The following HMCN1 variants were observed in gnomAD, a reference collection of about 807,000 sequenced individuals.
The protein encoded by HMCN1 is hemicentin-1.
In HMCN1, 321 loss-of-function variants were observed where a neutral mutation model predicts 625.9. The observed-to-expected ratio is 0.51, with a 90% CI of 0.47 to 0.56. The LOEUF is 0.56. Among genes scored for constraint, HMCN1 ranks in the 20% least tolerant of loss-of-function variants. The probability of loss-of-function intolerance (pLI) is 0.00; values close to 1 mark genes in which losing one functional copy is unlikely to be tolerated. For missense variants in HMCN1, 6,588 were observed against 6,887.3 expected (o/e 0.96, Z 1.54); for synonymous variants, 2,425 against 2,417.6 (o/e 1.00, Z -0.09).
intron 11 of HMCN1, among the ~76,000 whole-genome samples, chr1:185,958,189 A>C (rs1245378585): frequency 1.3e-5 from 2 of 152,078 alleles, no homozygotes; most frequent in Non-Finnish European, 2.9e-5. Context: ...CCTTTGGCTC[A>C]CTGCAACCTC....
intron 105 of HMCN1, among the ~76,000 whole-genome samples, chr1:186,186,991 G>A (rs1181493020): frequency 1.2e-5 from 1 of 80,902 alleles, no homozygotes; most frequent in South Asian, 4.6e-4. Context: ...CTCTGTCTCT[G>A]TCTCACACAC....
rs747107674 is a variant in HMCN1, at chr1:186,019,492, G to T, written c.5471-49G>T. 4.3e-6 allele frequency: 6 copies of T among 1,403,900 alleles called. No homozygotes were observed. The South Asian group carries it at 5.8e-5, about 14-fold the overall frequency. The allele number at this position is 1,403,900 out of a possible 1,614,324, so 87.0% of individuals were successfully genotyped here. On this transcript the variant is annotated intron_variant, in intron 34 of 106. Coordinates refer to ENST00000271588, the MANE Select transcript of HMCN1 (RefSeq NM_031935.3). ...TTCTTGCATACATATTTTTAAGTTC[G>T]ACCTCACTGATTATGGTTTCATTCC...
intron 1 of HMCN1, among the ~76,000 whole-genome samples, chr1:185,836,136 A>G (rs1661161641): frequency 6.6e-6 from 1 of 152,192 alleles, no homozygotes; most frequent in South Asian, 2.1e-4. Context: ...ATCTTGCCTA[A>G]TGCTCAGAAA....
intron 1 of HMCN1, among the ~76,000 whole-genome samples, chr1:185,823,954 C>A (rs910976692): frequency 2.0e-5 from 3 of 152,278 alleles, no homozygotes; most frequent in Admixed American, 6.5e-5. Flanking sequence ...TTGGAACTAA[C>A]AGCAAGTAGA....
chr1:185,854,855 C>G (rs1243705399), intron 2 of HMCN1, among the ~76,000 whole-genome samples: 1 of 152,044 alleles, frequency 6.6e-6, no homozygotes, highest in East Asian at 1.9e-4. Flanking sequence ...ATTACACAAG[C>G]AGTATAAATA....
chr1:185,877,432 T>A (rs1664025327), intron 4 of HMCN1, among the ~76,000 whole-genome samples: 1 of 149,678 alleles, frequency 6.7e-6, no homozygotes, highest in Non-Finnish European at 1.5e-5. Context: ...TGTTTAGGAT[T>A]ACTTTGGCTA....
intron 1 of HMCN1, among the ~76,000 whole-genome samples, chr1:185,840,516 G>A (rs955349196): frequency 3.3e-5 from 5 of 151,998 alleles, no homozygotes; most frequent in Admixed American, 1.3e-4. Flanking sequence ...TTTGGTGTTC[G>A]CTTCATATCC....
intron 35 of HMCN1, 101 bp downstream of exon 35, chr1:186,019,796 G>T: frequency 1.0e-6 from 1 of 953,588 alleles, no homozygotes; most frequent in South Asian, 1.9e-5. Context: ...CTGTTGGACA[G>T]ATTTTGCAGA....
At chr1:185,805,968 T>C (rs1320195531) in intron 1 of HMCN1, among the ~76,000 whole-genome samples, 1 of 152,120 alleles carries the variant, frequency 6.6e-6, no homozygotes, top group East Asian at 1.9e-4. Flanking sequence ...TCCTATCATT[T>C]TTATTCCTAG....
intron 6 of HMCN1, among the ~76,000 whole-genome samples, chr1:185,912,261 G>A (rs1403611762): frequency 6.6e-6 from 1 of 152,146 alleles, no homozygotes; most frequent in Admixed American, 6.6e-5. Flanking sequence ...ACAGAATTGG[G>A]CTGAGAATTA....
At chr1:186,070,813 T>C in intron 52 of HMCN1, 56 bp downstream of exon 52, 6 of 1,538,818 alleles carry the variant, frequency 3.9e-6, no homozygotes, top group South Asian at 3.4e-5. Context: ...AAATGGTCAA[T>C]TGAAAAGAAA....
intron 1 of HMCN1, among the ~76,000 whole-genome samples, chr1:185,761,710 A>T (rs1655517009): frequency 6.6e-6 from 1 of 152,178 alleles, no homozygotes; most frequent in African/African-American, 2.4e-5. Context: ...TGTATGAAAC[A>T]TGGCTAAACA....
chr1:185,960,251 C>A (rs1649920500), intron 11 of HMCN1, among the ~76,000 whole-genome samples: 1 of 151,630 alleles, frequency 6.6e-6, no homozygotes, highest in African/African-American at 2.4e-5. Context: ...GCCTCAGCCT[C>A]CCAAGTAGCT....
intron 98 of HMCN1, among the ~76,000 whole-genome samples, chr1:186,165,721 T>C (rs1013678415): frequency 6.6e-6 from 1 of 152,244 alleles, no homozygotes; most frequent in South Asian, 2.1e-4. Context: ...CAATGTAATA[T>C]AGTCTTGTGA....
chr1:185,852,209 GATA>G (rs562653603), intron 2 of HMCN1, among the ~76,000 whole-genome samples: 97 of 152,012 alleles, frequency 6.4e-4, no homozygotes, highest in African/African-American at 2.3e-3. Flanking sequence ...AGGAGAACAA[GATA>G]ATGATGATTT....
intron 90 of HMCN1, 79 bp from the exon 91 acceptor site, chr1:186,144,454 C>A: frequency 6.2e-7 from 1 of 1,609,360 alleles, no homozygotes; most frequent in Non-Finnish European, 8.5e-7. Context: ...AAGAACATCT[C>A]TCAAACTAAC....
chr1:185,979,007 C>T (rs1436211687), intron 16 of HMCN1, among the ~76,000 whole-genome samples: 3 of 152,156 alleles, frequency 2.0e-5, no homozygotes, highest in African/African-American at 7.2e-5. Flanking sequence ...ATTAAATATA[C>T]ATTGGCCACT....
intron 8 of HMCN1, among the ~76,000 whole-genome samples, chr1:185,924,269 T>TCA (rs1408046520): frequency 2.1e-5 from 3 of 140,668 alleles, no homozygotes; most frequent in Non-Finnish European, 4.6e-5. Context: ...CTCGCTCTGT[T>TCA]GCCCAGGCTG....
At chr1:186,133,092 T>C (rs879658850) in intron 86 of HMCN1, among the ~76,000 whole-genome samples, 1 of 152,200 alleles carries the variant, frequency 6.6e-6, no homozygotes, top group Admixed American at 6.6e-5. Context: ...TCAACCATTG[T>C]GGAAGTCAGT....
Sources: gnomAD v4.1 joint callset for allele counts (sites outside exome capture counted in the v4.1 genomes callset) on GRCh38, gnomAD v4.1.1 for gene constraint, MANE v1.5 for transcripts, NCBI Gene and HGNC (gene_info 2026-07-23, HGNC 2026-07-21) for gene names.